CNTNAP2: variants seen among roughly 807,000 people sequenced by gnomAD.
CNTNAP2 encodes contactin-associated protein-like 2.
Under a neutral mutation model 155.2 loss-of-function variants are expected in CNTNAP2, and 98 were observed. The observed-to-expected ratio is 0.63, with a 90% CI of 0.54 to 0.75. CNTNAP2 has a LOEUF of 0.75. CNTNAP2 is among the 30% of genes least tolerant of loss of function. CNTNAP2 has a pLI of 0.00. For missense variants in CNTNAP2, 1,727 were observed against 1,688.1 expected, an observed-to-expected ratio of 1.02 and a Z score of -0.40; for synonymous variants, 651 against 631.2, an observed-to-expected ratio of 1.03 and a Z score of -0.47.
chr7:146,336,289 G>A (rs1276806014), intron 1 of CNTNAP2, among the ~76,000 whole-genome samples: 2 of 151,820 alleles, frequency 1.3e-5, no homozygotes, highest in Admixed American at 6.6e-5. Context: ...GGAGATATAG[G>A]TCCCTTTCTT....
intron 12 of CNTNAP2, among the ~76,000 whole-genome samples, chr7:147,622,437 T>C (rs763854481): frequency 6.6e-6 from 1 of 152,056 alleles, no homozygotes; most frequent in Non-Finnish European, 1.5e-5. Flanking sequence ...ATTAAGCATA[T>C]TCTTTGACCA....
intron 15 of CNTNAP2, among the ~76,000 whole-genome samples, chr7:148,094,142 G>A (rs1310542759): frequency 6.6e-6 from 1 of 152,166 alleles, no homozygotes; most frequent in Non-Finnish European, 1.5e-5. Flanking sequence ...GACTTTCTCT[G>A]AAGTCCCTCC....
At position 147,437,445 on chromosome 7, in the gene CNTNAP2, C is replaced by A. The variant is rs569349987; in HGVS notation, c.1670+41665C>A. Among the ~76,000 whole-genome samples the A allele has an allele frequency of 6.6e-5, 10 of 152,116 alleles. No homozygotes were observed. In the East Asian group the frequency reaches 1.7e-3, roughly 26 times the overall value. Reference sequence around the variant, plus strand: ...CATTCCTTTCAGCTCTTTTTAGATTCTAATATTCCAGAATGTCTTTTTTCC... The same window carrying A: ...CATTCCTTTCAGCTCTTTTTAGATTATAATATTCCAGAATGTCTTTTTTCC... On this transcript the variant is annotated intron_variant, in intron 10 of 23. Coordinates refer to ENST00000361727, the MANE Select transcript of CNTNAP2 (RefSeq NM_014141.6).
intron 8 of CNTNAP2, among the ~76,000 whole-genome samples, chr7:147,163,596 C>T (rs559864044): frequency 6.6e-6 from 1 of 151,874 alleles, no homozygotes; most frequent in African/African-American, 2.4e-5. Context: ...CTTATTTTGC[C>T]ATGCAATTTT....
intron 13 of CNTNAP2, among the ~76,000 whole-genome samples, chr7:147,648,104 C>T (rs1475387937): frequency 6.6e-6 from 1 of 151,920 alleles, no homozygotes; most frequent in South Asian, 2.1e-4. Context: ...AATCAGATGA[C>T]AAAGCAAGAG....
At chr7:146,857,977 C>A (rs1457450874) in intron 3 of CNTNAP2, among the ~76,000 whole-genome samples, 1 of 152,034 alleles carries the variant, frequency 6.6e-6, no homozygotes, top group African/African-American at 2.4e-5. Flanking sequence ...TCAAAAGCAC[C>A]AACAAGTCAC....
intron 11 of CNTNAP2, among the ~76,000 whole-genome samples, chr7:147,537,076 G>A (rs1224093077): frequency 6.6e-6 from 1 of 152,086 alleles, no homozygotes; most frequent in Non-Finnish European, 1.5e-5. Flanking sequence ...TACCTCCTTT[G>A]TCTAATCTTT....
intron 10 of CNTNAP2, among the ~76,000 whole-genome samples, chr7:147,474,653 T>G (rs1404707617): frequency 6.6e-6 from 1 of 151,740 alleles, no homozygotes; most frequent in African/African-American, 2.4e-5. Context: ...AAACAAATCA[T>G]TATAATATAG....
At chr7:146,422,318 T>C (rs4726790) in intron 1 of CNTNAP2, among the ~76,000 whole-genome samples, 58,095 of 149,320 alleles carry the variant, frequency 0.39, 12,896 homozygotes, top group African/African-American at 0.6. Context: ...TAAGAATATA[T>C]ACATAAGAAT....
chr7:146,956,455 A>G (rs760334670), intron 3 of CNTNAP2, among the ~76,000 whole-genome samples: 20 of 152,258 alleles, frequency 1.3e-4, no homozygotes, highest in Non-Finnish European at 2.5e-4. Flanking sequence ...AGAAGAAAGG[A>G]AAAGTGCTGT....
chr7:148,025,496 G>T (rs1485490198), intron 15 of CNTNAP2, among the ~76,000 whole-genome samples: 2 of 152,068 alleles, frequency 1.3e-5, no homozygotes, highest in African/African-American at 4.8e-5. Flanking sequence ...CTCTTGGCTG[G>T]CCCTGCAATA....
intron 10 of CNTNAP2, among the ~76,000 whole-genome samples, chr7:147,483,942 G>A (rs1323090529): frequency 6.6e-6 from 1 of 152,112 alleles, no homozygotes; most frequent in African/African-American, 2.4e-5. Context: ...ATTCTGCTAG[G>A]AATGATTTTC....
At chr7:147,140,229 T>C (rs2129287024) in intron 8 of CNTNAP2, among the ~76,000 whole-genome samples, 1 of 152,184 alleles carries the variant, frequency 6.6e-6, no homozygotes, top group South Asian at 2.1e-4. Context: ...CTAGTCTTTC[T>C]TCTAGCACTT....
chr7:146,494,984 A>C (rs1042538824), intron 1 of CNTNAP2, among the ~76,000 whole-genome samples: 4 of 152,234 alleles, frequency 2.6e-5, no homozygotes, highest in Non-Finnish European at 5.9e-5. Context: ...GTGATTCCCA[A>C]CTACCAGAGG....
intron 14 of CNTNAP2, among the ~76,000 whole-genome samples, chr7:147,974,470 C>T (rs1448296208): frequency 2.6e-5 from 4 of 152,104 alleles, no homozygotes; most frequent in South Asian, 4.2e-4. Flanking sequence ...ACTAAAAATA[C>T]AAAAATTAGT....
chr7:147,240,866 C>A (rs923651650), intron 8 of CNTNAP2, among the ~76,000 whole-genome samples: 1 of 152,166 alleles, frequency 6.6e-6, no homozygotes, highest in Non-Finnish European at 1.5e-5. Context: ...TTCATTTAAA[C>A]ATACAGACAT....
At chr7:146,463,668 T>C (rs1796672569) in intron 1 of CNTNAP2, among the ~76,000 whole-genome samples, 1 of 152,158 alleles carries the variant, frequency 6.6e-6, no homozygotes, top group Non-Finnish European at 1.5e-5. Flanking sequence ...CATATGTGCA[T>C]GTATGCATGT....
chr7:148,036,764 C>G (rs1802580223), intron 15 of CNTNAP2, among the ~76,000 whole-genome samples: 1 of 152,036 alleles, frequency 6.6e-6, no homozygotes, highest in Non-Finnish European at 1.5e-5. Flanking sequence ...AATTCTGATT[C>G]CTAATTTCTA....
chr7:146,893,303 G>A (rs961792760), intron 3 of CNTNAP2, among the ~76,000 whole-genome samples: 3 of 151,690 alleles, frequency 2.0e-5, no homozygotes, highest in South Asian at 2.1e-4. Context: ...AGAATTTATC[G>A]TGCTGAAGAG....
Sources: gnomAD v4.1 joint callset for allele counts (sites outside exome capture counted in the v4.1 genomes callset) on GRCh38, gnomAD v4.1.1 for gene constraint, MANE v1.5 for transcripts, NCBI Gene and HGNC (gene_info 2026-07-23, HGNC 2026-07-21) for gene names.